KLHL33: variants seen among roughly 807,000 people sequenced by gnomAD.
KLHL33 encodes kelch like family member 33.
A neutral mutation model predicts 60.8 loss-of-function variants in KLHL33; 46 were observed. The ratio of observed to expected loss-of-function variants is 0.76; its 90% CI spans 0.60 to 0.97. The LOEUF is 0.97. Ranked by LOEUF, KLHL33 falls within the 50% of genes least tolerant of loss-of-function variation. The pLI, the probability that KLHL33 is intolerant of heterozygous loss-of-function variation, is 0.00. For missense variants in KLHL33, 1,055 were observed against 1,000.0 expected, an observed-to-expected ratio of 1.05 and a Z score of -0.74; for synonymous variants, 434 against 432.2, an observed-to-expected ratio of 1.00 and a Z score of -0.05.
At chr14:20,435,038 T>C in intron 2 of KLHL33, 26 bp downstream of exon 2, 1 of 1,233,998 alleles carries the variant, frequency 8.1e-7, no homozygotes, top group Non-Finnish European at 1.0e-6. Context: ...GCACCTGCAG[T>C]AATTTAATGC....
rs113284289 is a variant in KLHL33 at position 20,430,015 on chromosome 14, G to T, written c.1453C>A (p.Pro485Thr). 1,552 of 1,551,690 alleles carry T rather than the reference G, an allele frequency of 1.0e-3. 17 individuals are homozygous for T. The African/African-American group carries it at 0.019, about 19-fold the overall frequency. The change falls in exon 3 of 5, where the codon CCA becomes ACA. Residue 485 changes from proline (P) to threonine (T), a missense_variant. Pro to Thr is a conservative substitution (Grantham distance 38, BLOSUM62 -1). Coordinates refer to ENST00000636854, the MANE Select transcript of KLHL33 (RefSeq NM_001365790.2). ...LVVIGGDGLR[P>T]DMALRQPSRA... ...GATGGTTGTCTTAGGGCCATGTCTG[G>T]TCTGAGCCCATCCCCGCCAATCACT...
rs1880279460 is a variant in KLHL33 at position 20,426,594 on chromosome 14, C to T, written c.*2255G>A. 1 of 151,420 alleles carries T rather than the reference C, an allele frequency of 6.6e-6. No individual in the cohort carries two copies. Among genetic ancestry groups the T allele is most frequent in the African/African-American group, 2.4e-5 (1 of 41,184 alleles). 9.4% of individuals were successfully genotyped at this position (151,420 alleles called of 1,614,324 possible). A position where few individuals can be genotyped will look rare whatever the true frequency, so the allele number is the denominator to read the frequency against. ...TTTACACTGTTGGTGGGACTGTAAA[C>T]TAGTTCAACCATTGTGGAAGTCAGT... On this transcript the variant is annotated 3_prime_UTR_variant, in exon 5 of 5. Transcript: ENST00000636854.
In KLHL33 at chr14:20,430,617, G is replaced by C. The variant is rs759256623; in HGVS notation, c.851C>G (p.Ser284Cys). The part of the protein sequence containing the change: ...QGTEVSLRTI[S>C]TQDLRLLVSF... ...GACGAGGAGTCGCAGGTCCTGGGTG[G>C]AGATCGTCCGCAGAGATACCTCTGT... The change falls in exon 3 of 5, where the codon TCC (serine) becomes TGC (cysteine). Residue 284 changes from serine (S) to cysteine (C), a missense_variant. By Grantham distance (112) the Ser-to-Cys change is moderately radical. Transcript: ENST00000636854. The C allele has an allele frequency of 4.3e-5, 66 of 1,536,294 alleles. No individual in the cohort carries two copies. Among genetic ancestry groups the C allele is most frequent in the Admixed American group, 1.2e-4 (6 of 51,002 alleles).
In KLHL33 at chr14:20,435,795, G is replaced by A; in HGVS notation, c.17C>T (p.Thr6Ile). ...CTCCAGCTCAGGGGGATAATGTGGG[G>A]TGTCCGAGACGCTCATGCCGAGGTT... MSVSD[T>I]PHYPPELESV... The change falls in exon 2 of 5, where the codon ACC (threonine) becomes ATC (isoleucine). Residue 6 changes from threonine (T) to isoleucine (I), a missense_variant. Transcript: ENST00000636854. 1 of 1,234,722 alleles carries A rather than the reference G, an allele frequency of 8.1e-7. No homozygotes were observed. Among genetic ancestry groups the A allele is most frequent in the Non-Finnish European group, 1.0e-6 (1 of 988,492 alleles). The allele number at this position is 1,234,722 out of a possible 1,614,324, so 76.5% of individuals were successfully genotyped here.
chr14:20,435,107 G>T lies in KLHL33; in HGVS notation c.705C>A (p.Val235=), dbSNP rs919978542. The T allele has an allele frequency of 5.7e-6, 7 of 1,234,488 alleles. No individual in the cohort carries two copies. Among genetic ancestry groups the T allele is most frequent in the Non-Finnish European group, 7.1e-6 (7 of 988,222 alleles). 76.5% of individuals were successfully genotyped at this position (1,234,488 alleles called of 1,614,324 possible). A position where few individuals can be genotyped will look rare whatever the true frequency, so the allele number is the denominator to read the frequency against. The change falls in exon 2 of 5, where the codon GTC becomes GTA. Residue 235 remains valine, a synonymous_variant. Coordinates refer to ENST00000636854, the MANE Select transcript of KLHL33 (RefSeq NM_001365790.2). ...CTGCCTCCAGCTTCAAGTCACACCC[G>T]ACGCCCTCTCGGTAGAGGAGCTCGA... ...RGIELLYREG[V]GCDLKLEAGG...
intron 2 of KLHL33, among the ~76,000 whole-genome samples, chr14:20,432,382 G>C (rs1018568719): frequency 4.6e-5 from 7 of 151,758 alleles, no homozygotes; most frequent in African/African-American, 1.7e-4. Flanking sequence ...CAAAGTGTTG[G>C]GATTACAGGC....
chr14:20,425,907 A>G lies in KLHL33; in HGVS notation c.*2942T>C, dbSNP rs1018090215. 3.3e-5 allele frequency: 5 copies of G among 152,194 alleles called. No individual in the cohort carries two copies. The highest frequency in any genetic ancestry group is 7.3e-5 in the Non-Finnish European group (5 of 68,036). The allele number at this position is 152,194 out of a possible 1,614,324, so 9.4% of individuals were successfully genotyped here. A position where few individuals can be genotyped will look rare whatever the true frequency, so the allele number is the denominator to read the frequency against. On this transcript the variant is annotated 3_prime_UTR_variant, in exon 5 of 5. Coordinates refer to ENST00000636854, the MANE Select transcript of KLHL33 (RefSeq NM_001365790.2). ...TGCCTTTAGGTACAAATCACAAAAA[A>G]TGTTCATAGAAGTTCATCCAGAGAG...
At chr14:20,433,555 T>C (rs975512295) in intron 2 of KLHL33, among the ~76,000 whole-genome samples, 1 of 152,164 alleles carries the variant, frequency 6.6e-6, no homozygotes, top group African/African-American at 2.4e-5. Context: ...TCCCATATCA[T>C]CAATCAACCT....
In KLHL33 at chr14:20,430,377, G is replaced by A. The variant is rs374640394; in HGVS notation, c.1091C>T (p.Thr364Ile). The change falls in exon 3 of 5, where the codon ACC (threonine) becomes ATC (isoleucine). Residue 364 changes from threonine (T) to isoleucine (I), a missense_variant. Thr to Ile is a moderately conservative substitution (Grantham distance 89). Transcript: ENST00000636854. ...ACACAAGGCTACAGCAGGCAGGTGG[G>A]TGAGGAGGTAGTGACGGGCTTTGCT... ...LWSKARHYLL[T>I]HLPAVALCPA... is the part of the protein sequence containing the mutation. 6.4e-6 allele frequency: 10 copies of A among 1,551,736 alleles called. No homozygotes were observed. Among genetic ancestry groups the A allele is most frequent in the Non-Finnish European group, 8.7e-6 (10 of 1,147,030 alleles).
chr14:20,429,258 C>T lies in KLHL33; in HGVS notation c.1985G>A (p.Gly662Glu), dbSNP rs753967346. The change falls in exon 5 of 5, where the codon GGG becomes GAG. Residue 662 changes from glycine to glutamate, a missense_variant. Transcript: ENST00000636854. ...TACCCCCATAGGGCTCAGAAACGTC[C>T]CTGGCTTCTCAAGTTTGGGGTCATA... The part of the protein sequence containing the change: ...MHYDPKLEKP[G>E]TFLSPMGVPR... 2.3e-5 allele frequency: 36 copies of T among 1,551,572 alleles called. No individual in the cohort carries two copies. The highest frequency in any genetic ancestry group is 2.0e-5 in the Admixed American group (1 of 50,984).
At position 20,428,834 on chromosome 14, in the gene KLHL33, A is replaced by G; in HGVS notation, c.*15T>C. ...TTCTTATGCCCTCCTCTCCCCATACACTGTTGCTCCCTCTTCACCCAGCAG... is the reference window on the plus strand; with the variant it reads ...TTCTTATGCCCTCCTCTCCCCATACGCTGTTGCTCCCTCTTCACCCAGCAG... On this transcript the variant is annotated 3_prime_UTR_variant, in exon 5 of 5. Transcript: ENST00000636854. The G allele has an allele frequency of 6.5e-7, 1 of 1,542,722 alleles. No individual in the cohort carries two copies. Among genetic ancestry groups the G allele is most frequent in the Non-Finnish European group, 8.8e-7 (1 of 1,140,350 alleles).
chr14:20,435,034 G>C, intron 2 of KLHL33, 30 bp downstream of exon 2: 1 of 1,233,348 alleles, frequency 8.1e-7, no homozygotes, highest in Non-Finnish European at 1.0e-6. Context: ...ATATGCACCT[G>C]CAGTAATTTA....
rs563128069 is a variant in KLHL33, at chr14:20,429,213, A to C, written c.2030T>G (p.Met677Arg). ...PMGVPRAGHV[M>R]AALGGRLYVA... ...ATACAACCTCCCACCCAATGCAGCC[A>C]TGACATGGCCAGCCCGAGGTACCCC... is the stretch of plus-strand genomic sequence containing the variant. Residue 677 changes from methionine to arginine, a missense_variant, in exon 5 of 5, where the codon ATG (methionine) becomes AGG (arginine). Met to Arg is a moderately conservative substitution (Grantham distance 91). Coordinates refer to ENST00000636854, the MANE Select transcript of KLHL33 (RefSeq NM_001365790.2). 6.4e-7 allele frequency: 1 copy of C among 1,551,662 alleles called. No homozygotes were observed. Among genetic ancestry groups the C allele is most frequent in the African/African-American group, 1.4e-5 (1 of 73,118 alleles).
Position 20,430,275 on chromosome 14 carries a change from A to T in KLHL33, c.1193T>A (p.Phe398Tyr), listed in dbSNP as rs202130260. 2.9e-4 allele frequency: 445 copies of T among 1,551,584 alleles called. No individual in the cohort carries two copies. Among genetic ancestry groups the T allele is most frequent in the Non-Finnish European group, 1.4e-4 (156 of 1,146,998 alleles). ...DSDELHVQEEFEAFVAARCWL... is the reference protein window; with the variant it reads ...DSDELHVQEEYEAFVAARCWL... ...ACACCGTGCAGCCACAAAGGCCTCA[A>T]ACTCCTCCTGCACATGGAGCTCATC... The change falls in exon 3 of 5, where the codon TTT becomes TAT. Residue 398 changes from phenylalanine (F) to tyrosine (Y), a missense_variant. Phe to Tyr is a conservative substitution (Grantham distance 22). Coordinates refer to ENST00000636854, the MANE Select transcript of KLHL33 (RefSeq NM_001365790.2).
At chr14:20,433,928 C>T (rs770477800) in intron 2 of KLHL33, among the ~76,000 whole-genome samples, 5 of 152,076 alleles carry the variant, frequency 3.3e-5, no homozygotes, top group Non-Finnish European at 7.3e-5. Flanking sequence ...AGTGTAACAG[C>T]CCAACTAGAT....
chr14:20,432,096 T>C (rs12883097), intron 2 of KLHL33, among the ~76,000 whole-genome samples: 17,884 of 148,680 alleles, frequency 0.12, 1,227 homozygotes, highest in East Asian at 0.18. Flanking sequence ...ATCAAGAAAA[T>C]GGAGCATTTT....
intron 2 of KLHL33, among the ~76,000 whole-genome samples, chr14:20,433,618 A>G (rs1275746381): frequency 6.6e-6 from 1 of 152,184 alleles, no homozygotes. Context: ...TTCACCTCTT[A>G]CTCATTACTA....
intron 2 of KLHL33, among the ~76,000 whole-genome samples, chr14:20,432,466 TA>T (rs35468039): frequency 0.15 from 18,884 of 128,672 alleles, 1,288 homozygotes; most frequent in Middle Eastern, 0.2. Context: ...TATAAAGTAA[TA>T]AAAAAAAAAA....
chr14:20,431,658 C>T (rs550938005), intron 2 of KLHL33, among the ~76,000 whole-genome samples: 1 of 152,136 alleles, frequency 6.6e-6, no homozygotes, highest in African/African-American at 2.4e-5. Flanking sequence ...ACCTGGGAGG[C>T]GAGGGTTGCA....
Sources: gnomAD v4.1 joint callset for allele counts (sites outside exome capture counted in the v4.1 genomes callset) on GRCh38, gnomAD v4.1.1 for gene constraint, MANE v1.5 for transcripts, NCBI Gene and HGNC (gene_info 2026-07-23, HGNC 2026-07-21) for gene names.